FLRT2: variants seen among roughly 807,000 people sequenced by gnomAD.
FLRT2 encodes the protein fibronectin leucine rich transmembrane protein 2, also known as leucine-rich repeat transmembrane protein FLRT2.
FLRT2 carries 15 observed loss-of-function variants against 40.0 expected under a neutral mutation model. That is an observed-to-expected ratio of 0.38 (90% CI 0.25 to 0.58). The LOEUF (loss-of-function observed/expected upper bound fraction) is 0.58. FLRT2 is among the 20% of genes least tolerant of loss of function. FLRT2 has a pLI of 0.71. For synonymous variants in FLRT2, 380 were observed against 336.8 expected, an observed-to-expected ratio of 1.13 and a Z score of -1.41; for missense variants, 726 against 840.0, an observed-to-expected ratio of 0.86 and a Z score of 1.68.
At position 85,641,016 on chromosome 14, in the gene FLRT2, A is replaced by G. The variant is rs140190073; in HGVS notation, c.*17519A>G. The G allele has an allele frequency of 1.4e-4, 21 of 152,328 alleles. No individual in the cohort carries two copies. The East Asian group carries it at 3.7e-3, about 27-fold the overall frequency. The allele number at this position is 152,328 out of a possible 1,614,324, so 9.4% of individuals were successfully genotyped here. A position where few individuals can be genotyped will look rare whatever the true frequency, so the allele number is the denominator to read the frequency against. Reference sequence around the variant, plus strand: ...TTAAAATGCATAGAAAGCATGTACTACATCTAGTGCATTTCTCCATAATGT... The same window carrying G: ...TTAAAATGCATAGAAAGCATGTACTGCATCTAGTGCATTTCTCCATAATGT... On this transcript the variant is annotated 3_prime_UTR_variant, in exon 2 of 2. Coordinates refer to ENST00000330753, the MANE Select transcript of FLRT2 (RefSeq NM_013231.6).
intron 1 of FLRT2, among the ~76,000 whole-genome samples, chr14:85,615,486 C>G (rs1280523188): frequency 6.6e-6 from 1 of 152,112 alleles, no homozygotes; most frequent in African/African-American, 2.4e-5. Flanking sequence ...CTTCCCTCCT[C>G]CCCTCCCTCT....
chr14:85,545,937 G>A (rs1169149036), intron 1 of FLRT2, among the ~76,000 whole-genome samples: 1 of 152,150 alleles, frequency 6.6e-6, no homozygotes, highest in Non-Finnish European at 1.5e-5. Context: ...GAGAGGGCCT[G>A]GGAAAAATGG....
At chr14:85,557,760 T>A (rs1752533583) in intron 1 of FLRT2, among the ~76,000 whole-genome samples, 1 of 152,166 alleles carries the variant, frequency 6.6e-6, no homozygotes, top group Non-Finnish European at 1.5e-5. Flanking sequence ...GAGGTTGCAG[T>A]GAGCCGAGAT....
In FLRT2 at chr14:85,634,638, T is replaced by A. The variant is rs1428608988; in HGVS notation, c.*11141T>A. 1 of 152,240 alleles carries A rather than the reference T, an allele frequency of 6.6e-6. No homozygotes were observed. Among genetic ancestry groups the A allele is most frequent in the Non-Finnish European group, 1.5e-5 (1 of 68,034 alleles). 9.4% of individuals were successfully genotyped at this position (152,240 alleles called of 1,614,324 possible). A position where few individuals can be genotyped will look rare whatever the true frequency, so the allele number is the denominator to read the frequency against. On this transcript the variant is annotated 3_prime_UTR_variant, in exon 2 of 2. Coordinates refer to ENST00000330753, the MANE Select transcript of FLRT2 (RefSeq NM_013231.6). Reference sequence around the variant, plus strand: ...TCTAAATTTAAATCCTGGCTCATACTAACCTTGGTCCTTGGGCATGTATAT... The same window carrying A: ...TCTAAATTTAAATCCTGGCTCATACAAACCTTGGTCCTTGGGCATGTATAT...
At chr14:85,560,243 C>G (rs917780391) in intron 1 of FLRT2, among the ~76,000 whole-genome samples, 3 of 152,024 alleles carry the variant, frequency 2.0e-5, no homozygotes, top group Non-Finnish European at 4.4e-5. Flanking sequence ...GAAACTAAGT[C>G]TAGAATCATG....
At chr14:85,545,282 T>C (rs1889216591) in intron 1 of FLRT2, among the ~76,000 whole-genome samples, 1 of 152,240 alleles carries the variant, frequency 6.6e-6, no homozygotes, top group Non-Finnish European at 1.5e-5. Flanking sequence ...AGTTCATGTA[T>C]ATTATCTCAT....
At position 85,630,081 on chromosome 14, in the gene FLRT2, A is replaced by G. The variant is rs909125379; in HGVS notation, c.*6584A>G. On this transcript the variant is annotated 3_prime_UTR_variant, in exon 2 of 2. Transcript: ENST00000330753. ...TGAAAAAGCACGTATGTCACAATCT[A>G]TTAGGGCATTAGTAAACTGGCTTCT... 1 of 152,116 alleles carries G rather than the reference A, an allele frequency of 6.6e-6. No homozygotes were observed. Among genetic ancestry groups the G allele is most frequent in the Non-Finnish European group, 1.5e-5 (1 of 68,026 alleles). The allele number at this position is 152,116 out of a possible 1,614,324, so 9.4% of individuals were successfully genotyped here.
chr14:85,607,167 C>G (rs1892660590), intron 1 of FLRT2, among the ~76,000 whole-genome samples: 1 of 151,734 alleles, frequency 6.6e-6, no homozygotes, highest in African/African-American at 2.4e-5. Context: ...TGCGTTTTTG[C>G]TCAACCCAAG....
At position 85,622,431 on chromosome 14, in the gene FLRT2, C is replaced by G. The variant is rs773864180; in HGVS notation, c.917C>G (p.Thr306Ser). 2 of 1,614,196 alleles carry G rather than the reference C, an allele frequency of 1.2e-6. No individual in the cohort carries two copies. Among genetic ancestry groups the G allele is most frequent in the African/African-American group, 2.7e-5 (2 of 75,064 alleles). ...FDNLSNLKQL[T>S]ARNNPWFCDC... Reference sequence around the variant, plus strand: ...AATCTCTCCAACCTGAAGCAGCTCACTGCTCGGAATAACCCTTGGTTTTGT... The same window carrying G: ...AATCTCTCCAACCTGAAGCAGCTCAGTGCTCGGAATAACCCTTGGTTTTGT... Residue 306 changes from threonine (T) to serine (S), a missense_variant, in exon 2 of 2, where the codon ACT (threonine) becomes AGT (serine). Thr to Ser is a moderately conservative substitution (Grantham distance 58). Transcript: ENST00000330753.
rs1420153125 is a variant in FLRT2 at position 85,631,019 on chromosome 14, C to T, written c.*7522C>T. ...TTTGTGTGACTTATGTATCCTACTACATGTTGCTCCCTGACATTTCTTACC... is the reference window on the plus strand; with the variant it reads ...TTTGTGTGACTTATGTATCCTACTATATGTTGCTCCCTGACATTTCTTACC... On this transcript the variant is annotated 3_prime_UTR_variant, in exon 2 of 2. Coordinates refer to ENST00000330753, the MANE Select transcript of FLRT2 (RefSeq NM_013231.6). The T allele has an allele frequency of 6.7e-6, 1 of 150,030 alleles. No individual in the cohort carries two copies. The highest frequency in any genetic ancestry group is 2.0e-4 in the East Asian group (1 of 5,088). 9.3% of individuals were successfully genotyped at this position (150,030 alleles called of 1,614,324 possible). A position where few individuals can be genotyped will look rare whatever the true frequency, so the allele number is the denominator to read the frequency against.
intron 1 of FLRT2, among the ~76,000 whole-genome samples, chr14:85,592,372 CT>C (rs965513596): frequency 2.0e-4 from 30 of 151,938 alleles, no homozygotes; most frequent in African/African-American, 7.3e-4. Flanking sequence ...ACTCACCTTT[CT>C]TTTTTTTATC....
At position 85,622,498 on chromosome 14, in the gene FLRT2, C is replaced by T. The variant is rs765427436; in HGVS notation, c.984C>T (p.Ile328=). ...IKWVTEWLKY[I]PSSLNVRGFM... ...GGGTCACAGAATGGCTCAAATATAT[C>T]CCTTCATCTCTCAACGTGCGGGGTT... The change falls in exon 2 of 2, where the codon ATC becomes ATT. Residue 328 remains isoleucine, a synonymous_variant. Coordinates refer to ENST00000330753, the MANE Select transcript of FLRT2 (RefSeq NM_013231.6). 41 of 1,613,874 alleles carry T rather than the reference C, an allele frequency of 2.5e-5. No homozygotes were observed. The African/African-American group carries it at 5.2e-4, about 21-fold the overall frequency.
chr14:85,589,995 C>CTA (rs1891808124), intron 1 of FLRT2, among the ~76,000 whole-genome samples: 1 of 151,324 alleles, frequency 6.6e-6, no homozygotes, highest in Non-Finnish European at 1.5e-5. Context: ...GTTTTGGTTA[C>CTA]TATAGCTCTG....
intron 1 of FLRT2, among the ~76,000 whole-genome samples, chr14:85,600,391 A>G (rs917595126): frequency 6.6e-6 from 1 of 152,228 alleles, no homozygotes; most frequent in Non-Finnish European, 1.5e-5. Context: ...AAGTGGTAGC[A>G]TTTAATCATG....
intron 1 of FLRT2, among the ~76,000 whole-genome samples, chr14:85,580,715 T>C (rs1891347674): frequency 6.8e-6 from 1 of 146,798 alleles, no homozygotes; most frequent in South Asian, 2.2e-4. Context: ...CCAGGTCATG[T>C]GGGCTGGTGA....
In FLRT2 at chr14:85,640,597, G is replaced by A. The variant is rs1404657915; in HGVS notation, c.*17100G>A. The A allele has an allele frequency of 6.6e-6, 1 of 152,162 alleles. No homozygotes were observed. Among genetic ancestry groups the A allele is most frequent in the Non-Finnish European group, 1.5e-5 (1 of 68,032 alleles). The allele number at this position is 152,162 out of a possible 1,614,324, so 9.4% of individuals were successfully genotyped here. On this transcript the variant is annotated 3_prime_UTR_variant, in exon 2 of 2. Coordinates refer to ENST00000330753, the MANE Select transcript of FLRT2 (RefSeq NM_013231.6). Reference sequence around the variant, plus strand: ...GTTCTCTCATCAAGGTCTGTACCATGATTGAACTACTTGCTGCCATAAATT... The same window carrying A: ...GTTCTCTCATCAAGGTCTGTACCATAATTGAACTACTTGCTGCCATAAATT...
chr14:85,542,055 C>A (rs534989639), intron 1 of FLRT2, among the ~76,000 whole-genome samples: 2 of 152,150 alleles, frequency 1.3e-5, no homozygotes, highest in Non-Finnish European at 1.5e-5. Context: ...TGTAAATTAT[C>A]GTTATGCTTG....
intron 1 of FLRT2, among the ~76,000 whole-genome samples, chr14:85,543,582 GAT>G (rs1400483235): frequency 6.6e-6 from 1 of 151,432 alleles, no homozygotes; most frequent in Non-Finnish European, 1.5e-5. Flanking sequence ...TATATCTTTG[GAT>G]AAAGCCCATC....
intron 1 of FLRT2, among the ~76,000 whole-genome samples, chr14:85,543,464 C>T (rs148445748): frequency 6.6e-6 from 1 of 152,012 alleles, no homozygotes; most frequent in Non-Finnish European, 1.5e-5. Context: ...CCTGTCTGTT[C>T]TCCCCACCAT....
Sources: allele counts gnomAD v4.1 joint callset (sites outside exome capture counted in the v4.1 genomes callset), GRCh38; gene constraint gnomAD v4.1.1; transcripts MANE v1.5; gene names NCBI Gene and HGNC (gene_info 2026-07-23, HGNC 2026-07-21).